Variants in EYS observed in about 807,000 individuals in gnomAD.
The protein encoded by EYS is EGF-like photoreceptor maintenance factor.
A neutral mutation model predicts 282.1 loss-of-function variants in EYS; 250 were observed. The ratio of observed to expected loss-of-function variants is 0.89; its 90% CI spans 0.80 to 0.98. The LOEUF (loss-of-function observed/expected upper bound fraction) is 0.98. Among genes scored for constraint, EYS ranks in the 50% least tolerant of loss-of-function variants. EYS has a pLI of 0.00. For missense variants in EYS, 4,016 were observed against 3,709.0 expected (o/e 1.08, Z -2.15); for synonymous variants, 1,355 against 1,282.9 (o/e 1.06, Z -1.20).
chr6:65,616,022 A>G (rs1766187006), intron 2 of EYS, among the ~76,000 whole-genome samples: 1 of 151,902 alleles, frequency 6.6e-6, no homozygotes, highest in African/African-American at 2.4e-5. Flanking sequence ...ACAAAATTGT[A>G]TCAAGAGTTA....
chr6:65,120,321 A>T (rs1284761100), intron 12 of EYS, among the ~76,000 whole-genome samples: 2 of 151,872 alleles, frequency 1.3e-5, no homozygotes, highest in Non-Finnish European at 1.5e-5. Flanking sequence ...ACCTTTTTTT[A>T]AAATAGTTTT....
At chr6:65,515,799 G>A (rs1355796606) in intron 2 of EYS, among the ~76,000 whole-genome samples, 2 of 112,276 alleles carry the variant, frequency 1.8e-5, no homozygotes, top group Admixed American at 1.1e-4. Flanking sequence ...TGTGGGGTGG[G>A]GGGAGGGGGG....
intron 2 of EYS, among the ~76,000 whole-genome samples, chr6:65,526,579 G>T (rs1276540889): frequency 1.3e-5 from 2 of 152,154 alleles, no homozygotes; most frequent in East Asian, 1.9e-4. Context: ...GCCGAGGGGG[G>T]TGGATCACGA....
At chr6:64,377,074 T>C (rs1772583764) in intron 29 of EYS, among the ~76,000 whole-genome samples, 1 of 152,018 alleles carries the variant, frequency 6.6e-6, no homozygotes, top group Non-Finnish European at 1.5e-5. Context: ...GGATACTCTC[T>C]AGCTGGATGA....
At chr6:64,473,993 A>G (rs1776195388) in intron 26 of EYS, among the ~76,000 whole-genome samples, 1 of 152,160 alleles carries the variant, frequency 6.6e-6, no homozygotes, top group Non-Finnish European at 1.5e-5. Context: ...AACAACCTTA[A>G]TTATGCTCAT....
At chr6:64,452,551 G>A (rs1288805637) in intron 26 of EYS, among the ~76,000 whole-genome samples, 1 of 152,112 alleles carries the variant, frequency 6.6e-6, no homozygotes, top group Non-Finnish European at 1.5e-5. Flanking sequence ...GCATTGCCAA[G>A]TCAATCCTAA....
At chr6:65,471,088 G>A (rs1174234226) in intron 5 of EYS, among the ~76,000 whole-genome samples, 1 of 151,978 alleles carries the variant, frequency 6.6e-6, no homozygotes, top group Non-Finnish European at 1.5e-5. Flanking sequence ...AGTGAGCTGA[G>A]ATCGCGCCAC....
chr6:64,886,402 A>G (rs989557118), intron 19 of EYS, among the ~76,000 whole-genome samples: 40 of 152,030 alleles, frequency 2.6e-4, no homozygotes. Flanking sequence ...TAGATTACCC[A>G]TACAGAAATA....
intron 28 of EYS, among the ~76,000 whole-genome samples, chr6:64,420,117 C>T (rs1188092746): frequency 6.6e-6 from 1 of 152,192 alleles, no homozygotes; most frequent in Non-Finnish European, 1.5e-5. Flanking sequence ...GCAGAGCTCC[C>T]CAAACCTCAG....
intron 9 of EYS, among the ~76,000 whole-genome samples, chr6:65,347,622 G>A (rs1770451307): frequency 6.7e-6 from 1 of 148,944 alleles, no homozygotes; most frequent in African/African-American, 2.5e-5. Context: ...ATATATTTAT[G>A]GGTTACATGA....
At chr6:64,352,402 C>G (rs1220429938) in intron 29 of EYS, among the ~76,000 whole-genome samples, 1 of 151,488 alleles carries the variant, frequency 6.6e-6, no homozygotes, top group African/African-American at 2.4e-5. Flanking sequence ...GTTCAATATA[C>G]GTTCACTAGT....
At chr6:65,596,760 C>G (rs1397958074) in intron 2 of EYS, among the ~76,000 whole-genome samples, 1 of 151,792 alleles carries the variant, frequency 6.6e-6, no homozygotes, top group African/African-American at 2.4e-5. Flanking sequence ...ATTTATAAAA[C>G]TAGAAATATT....
chr6:64,948,589 ATTAT>A (rs1769376800), intron 14 of EYS, among the ~76,000 whole-genome samples: 1 of 146,876 alleles, frequency 6.8e-6, no homozygotes, highest in African/African-American at 2.5e-5. Context: ...ATATTAAGTA[ATTAT>A]TAAATATTAA....
chr6:64,903,373 A>C (rs1304045210), intron 16 of EYS, among the ~76,000 whole-genome samples: 2 of 152,194 alleles, frequency 1.3e-5, no homozygotes, highest in Non-Finnish European at 2.9e-5. Flanking sequence ...ATTTAGTTTG[A>C]GGAACAAAGA....
In EYS at chr6:64,638,838, C is replaced by T. The variant is rs562273923; in HGVS notation, c.3444-12593G>A. On this transcript the variant is annotated intron_variant, in intron 22 of 42. Coordinates refer to ENST00000503581, the MANE Select transcript of EYS (RefSeq NM_001142800.2). ...AATGCTGTTCTAATGTTACCAGTTACCAACATATTCAAGCCACTCATTTTG... is the reference window on the plus strand; with the variant it reads ...AATGCTGTTCTAATGTTACCAGTTATCAACATATTCAAGCCACTCATTTTG... Among the ~76,000 whole-genome samples, 309 of 91,152 alleles carry T rather than the reference C, an allele frequency of 3.4e-3. 103 individuals carry two copies. Among genetic ancestry groups the T allele is most frequent in the African/African-American group, 0.013 (300 of 23,222 alleles). The allele number at this position is 91,152 out of a possible 152,430, so 59.8% of individuals were successfully genotyped here.
rs963120574 is a variant in EYS at position 64,843,247 on chromosome 6, CA to C, written c.2993-20426del. Among the ~76,000 whole-genome samples, 148 of 152,214 alleles carry C rather than the reference CA, an allele frequency of 9.7e-4. No individual in the cohort carries two copies. The Middle Eastern group carries it at 0.01, about 10-fold the overall frequency. On this transcript the variant is annotated intron_variant, in intron 19 of 42. Coordinates refer to ENST00000503581, the MANE Select transcript of EYS (RefSeq NM_001142800.2). Reference sequence around the variant, plus strand: ...GAGGGAAATGTGGGGTTGGACCCCCCACACAGAACCCATACTGCGGCACCAC... The same window carrying C: ...GAGGGAAATGTGGGGTTGGACCCCCCCACAGAACCCATACTGCGGCACCAC...
At chr6:64,932,114 A>C (rs1161003746) in intron 15 of EYS, among the ~76,000 whole-genome samples, 4 of 152,082 alleles carry the variant, frequency 2.6e-5, no homozygotes, top group Non-Finnish European at 5.9e-5. Flanking sequence ...TGAATCTCAT[A>C]AGCCTAATCA....
At chr6:65,369,735 G>A (rs1765065200) in intron 8 of EYS, among the ~76,000 whole-genome samples, 1 of 151,514 alleles carries the variant, frequency 6.6e-6, no homozygotes, top group Non-Finnish European at 1.5e-5. Flanking sequence ...AGCAAACTTG[G>A]CTTCTATAGC....
At chr6:64,033,983 T>C (rs1234997572) in intron 33 of EYS, among the ~76,000 whole-genome samples, 1 of 152,170 alleles carries the variant, frequency 6.6e-6, no homozygotes, top group African/African-American at 2.4e-5. Flanking sequence ...TATAGTCTAA[T>C]TTGTCAGGAG....
Sources: gnomAD v4.1 joint callset for allele counts (sites outside exome capture counted in the v4.1 genomes callset) on GRCh38, gnomAD v4.1.1 for gene constraint, MANE v1.5 for transcripts, NCBI Gene and HGNC (gene_info 2026-07-23, HGNC 2026-07-21) for gene names.